TANC2: variants seen among roughly 807,000 people sequenced by gnomAD.
TANC2 encodes the protein protein TANC2.
Under a neutral mutation model 210.5 loss-of-function variants are expected in TANC2, and 26 were observed. The observed-to-expected ratio is 0.12, with a 90% CI of 0.09 to 0.17. TANC2 has a LOEUF of 0.17. Ranked by LOEUF, TANC2 falls within the 10% of genes least tolerant of loss-of-function variation. The pLI, the probability that TANC2 is intolerant of heterozygous loss-of-function variation, is 1.00. For missense variants in TANC2, 2,129 were observed against 2,608.9 expected (o/e 0.82, Z 4.01); for synonymous variants, 931 against 967.1 (o/e 0.96, Z 0.69).
At chr17:62,986,046 A>C (rs77855642) in intron 1 of TANC2, among the ~76,000 whole-genome samples, 4,434 of 152,190 alleles carry the variant, frequency 0.029, 79 homozygotes, top group South Asian at 0.037. Flanking sequence ...TCTTGGCATG[A>C]CGGTTAGGTG....
At chr17:63,315,787 A>G (rs2045295437) in intron 10 of TANC2, among the ~76,000 whole-genome samples, 1 of 152,218 alleles carries the variant, frequency 6.6e-6, no homozygotes, top group African/African-American at 2.4e-5. Flanking sequence ...GCAGCCTTGT[A>G]TCATTAAGGA....
intron 2 of TANC2, among the ~76,000 whole-genome samples, chr17:63,059,607 C>T (rs2144512682): frequency 6.9e-6 from 1 of 145,354 alleles, no homozygotes; most frequent in East Asian, 2.0e-4. Context: ...AGCATCAAAG[C>T]TTGATTTTTT....
chr17:62,976,182 C>T (rs572431357), intron 1 of TANC2, among the ~76,000 whole-genome samples: 1 of 152,266 alleles, frequency 6.6e-6, no homozygotes, highest in African/African-American at 2.4e-5. Context: ...TTGAACACTA[C>T]TAACTTGACA....
At chr17:63,031,833 A>G (rs963619686) in intron 2 of TANC2, among the ~76,000 whole-genome samples, 5 of 152,186 alleles carry the variant, frequency 3.3e-5, no homozygotes, top group African/African-American at 9.6e-5. Context: ...AACCTTCTAC[A>G]TGGAGTACTA....
chr17:63,271,071 T>C (rs1183986819), intron 9 of TANC2, among the ~76,000 whole-genome samples: 1 of 151,102 alleles, frequency 6.6e-6, no homozygotes, highest in Non-Finnish European at 1.5e-5. Context: ...CTACCATCAA[T>C]GGACATTGAA....
intron 2 of TANC2, among the ~76,000 whole-genome samples, chr17:63,071,250 T>C (rs1399790004): frequency 3.9e-5 from 6 of 152,184 alleles, no homozygotes; most frequent in Admixed American, 3.3e-4. Flanking sequence ...AGCATGGGTA[T>C]ACAGAATGTC....
chr17:62,992,561 C>G (rs1282853791), intron 1 of TANC2, among the ~76,000 whole-genome samples: 1 of 152,026 alleles, frequency 6.6e-6, no homozygotes, highest in African/African-American at 2.4e-5. Context: ...ATTTCAGTGC[C>G]AAATAAAAAA....
intron 4 of TANC2, among the ~76,000 whole-genome samples, chr17:63,115,115 T>C (rs115549133): frequency 0.029 from 4,489 of 152,282 alleles, 83 homozygotes; most frequent in South Asian, 0.037. Context: ...ATTGAATAAT[T>C]AGTATTCTAA....
intron 5 of TANC2, among the ~76,000 whole-genome samples, chr17:63,179,665 A>G (rs1454493699): frequency 6.6e-6 from 1 of 152,094 alleles, no homozygotes; most frequent in Non-Finnish European, 1.5e-5. Context: ...AAGTCAAACA[A>G]TTTGAACCTA....
chr17:63,005,896 TTGTGTGTG>T (rs56763847), intron 1 of TANC2, among the ~76,000 whole-genome samples: 3,428 of 132,816 alleles, frequency 0.026, 71 homozygotes, highest in African/African-American at 0.059. Context: ...GCTGTATAGT[TTGTGTGTG>T]TGTGTGTGTG....
intron 17 of TANC2, chr17:63,390,896 G>A (rs943773999): frequency 2.6e-5 from 4 of 152,156 alleles, no homozygotes; most frequent in South Asian, 4.1e-4. Context: ...TAACTCATAT[G>A]TACTTCTTTC....
intron 9 of TANC2, among the ~76,000 whole-genome samples, chr17:63,300,743 C>A (rs930869933): frequency 1.3e-5 from 2 of 152,034 alleles, no homozygotes; most frequent in Non-Finnish European, 2.9e-5. Flanking sequence ...TTTGGCTTCC[C>A]CTCTTCCTAT....
At chr17:63,232,719 C>T (rs2042511188) in intron 7 of TANC2, among the ~76,000 whole-genome samples, 3 of 152,224 alleles carry the variant, frequency 2.0e-5, no homozygotes, top group Admixed American at 1.3e-4. Context: ...TGGGGGTTCT[C>T]ACCCAGTCAG....
chr17:63,138,108 A>G (rs1286168044), intron 4 of TANC2, among the ~76,000 whole-genome samples: 1 of 152,156 alleles, frequency 6.6e-6, no homozygotes, highest in African/African-American at 2.4e-5. Flanking sequence ...ACGTTTCGCA[A>G]AGTTCAGAAA....
At chr17:63,326,746 CA>C (rs796894169) in intron 11 of TANC2, among the ~76,000 whole-genome samples, 7 of 145,066 alleles carry the variant, frequency 4.8e-5, no homozygotes, top group Admixed American at 2.1e-4. Flanking sequence ...ACAACAACAA[CA>C]AAAAAAAAAC....
chr17:63,036,037 G>T (rs1242447071), intron 2 of TANC2, among the ~76,000 whole-genome samples: 1 of 152,072 alleles, frequency 6.6e-6, no homozygotes, highest in Non-Finnish European at 1.5e-5. Flanking sequence ...TTATTTGGTT[G>T]TTTGTTTTCT....
chr17:63,206,312 CAT>C (rs2145837590), intron 7 of TANC2, among the ~76,000 whole-genome samples: 1 of 152,288 alleles, frequency 6.6e-6, no homozygotes, highest in South Asian at 2.1e-4. Flanking sequence ...AAAAGTTCAA[CAT>C]AGAATTGCCA....
intron 2 of TANC2, among the ~76,000 whole-genome samples, chr17:63,016,756 G>A (rs1377927904): frequency 3.9e-5 from 6 of 152,070 alleles, no homozygotes; most frequent in Non-Finnish European, 7.4e-5. Flanking sequence ...TATAGTAGGT[G>A]TGAAGTGGTA....
chr17:63,167,617 C>G (rs1330767105), intron 5 of TANC2, among the ~76,000 whole-genome samples: 2 of 151,948 alleles, frequency 1.3e-5, no homozygotes, highest in Non-Finnish European at 2.9e-5. Context: ...TGCCCACTGT[C>G]TGGGTTTCCA....
Sources: allele counts gnomAD v4.1 joint callset (sites outside exome capture counted in the v4.1 genomes callset), GRCh38; gene constraint gnomAD v4.1.1; transcripts MANE v1.5; gene names NCBI Gene and HGNC (gene_info 2026-07-23, HGNC 2026-07-21).